Variants in KHNYN observed in about 807,000 individuals in gnomAD.
The protein encoded by KHNYN is protein KHNYN.
Under a neutral mutation model 62.7 loss-of-function variants are expected in KHNYN, and 42 were observed. The observed-to-expected ratio is 0.67, with a 90% CI of 0.52 to 0.87. KHNYN has a LOEUF of 0.87. KHNYN is among the 40% of genes least tolerant of loss of function. The pLI is 0.00. For missense variants in KHNYN, 829 were observed against 874.1 expected (o/e 0.95, Z 0.65); for synonymous variants, 347 against 345.6 (o/e 1.00, Z -0.04).
chr14:24,429,726 T>A, upstream of KHNYN: 1 of 985,258 alleles, frequency 1.0e-6, no homozygotes, highest in Non-Finnish European at 1.2e-6. Flanking sequence ...AACGCATGGT[T>A]CCCCTTTCCG....
chr14:24,425,248 A>T (rs774173843), upstream of KHNYN, among the ~76,000 whole-genome samples: 3 of 152,046 alleles, frequency 2.0e-5, no homozygotes, highest in Admixed American at 1.3e-4. Flanking sequence ...CCCAATAGCT[A>T]ATTTCCCCTT....
chr14:24,434,867 G>A (rs764552691), intron 5 of KHNYN, among the ~76,000 whole-genome samples: 4 of 152,170 alleles, frequency 2.6e-5, no homozygotes, highest in African/African-American at 9.7e-5. Context: ...GAGGAGGTGG[G>A]AACACTGGGA....
At chr14:24,429,149 C>A (rs10143703), upstream of KHNYN, 950,966 of 1,338,212 alleles carry the variant, frequency 0.71, 341,389 homozygotes, top group Middle Eastern at 0.78. Flanking sequence ...GCACCCTGAT[C>A]GTCTGCCCTC....
Position 24,440,299 on chromosome 14 carries a change from G to A in KHNYN, c.*3014G>A, listed in dbSNP as rs768115773. On this transcript the variant is annotated 3_prime_UTR_variant, in exon 8 of 8. Coordinates refer to ENST00000553935, the MANE Select transcript of KHNYN (RefSeq NM_015299.3). Reference sequence around the variant, plus strand: ...TCTGGGCAAACTCAGCATTAGTGGCGGAGGATGGAGCCACTCCATTCAGGA... The same window carrying A: ...TCTGGGCAAACTCAGCATTAGTGGCAGAGGATGGAGCCACTCCATTCAGGA... 1.3e-5 allele frequency: 21 copies of A among 1,613,948 alleles called. 1 individual carries two copies. The highest frequency in any genetic ancestry group is 5.5e-5 in the South Asian group (5 of 91,088).
In KHNYN at chr14:24,434,069, G is replaced by A. The variant is rs373009315; in HGVS notation, c.1577+1037G>A. Reference sequence around the variant, plus strand: ...GGTATTCTACAAAAAAGCAGTTTACGTTCTCCCAATGTTATTCTATTTATA... The same window carrying A: ...GGTATTCTACAAAAAAGCAGTTTACATTCTCCCAATGTTATTCTATTTATA... On this transcript the variant is annotated intron_variant, in intron 5 of 7. Coordinates refer to ENST00000553935, the MANE Select transcript of KHNYN (RefSeq NM_015299.3). The A allele has an allele frequency of 3.6e-5, 32 of 880,768 alleles. No individual in the cohort carries two copies. The South Asian group carries it at 6.8e-4, about 19-fold the overall frequency. The allele number at this position is 880,768 out of a possible 1,614,324, so 54.6% of individuals were successfully genotyped here.
At position 24,436,660 on chromosome 14, in the gene KHNYN, A is replaced by G. The variant is rs561619493; in HGVS notation, c.1787+171A>G. Among the ~76,000 whole-genome samples, 5 of 152,302 alleles carry G rather than the reference A, an allele frequency of 3.3e-5. No homozygotes were observed. The South Asian group carries it at 1.0e-3, about 32-fold the overall frequency. ...AGCTTCCCAGGGGATCCTGACATAG[A>G]ACCTCCTTGCTGGGAGGGAAACACC... On this transcript the variant is annotated intron_variant, in intron 7 of 7. Coordinates refer to ENST00000553935, the MANE Select transcript of KHNYN (RefSeq NM_015299.3).
In KHNYN at chr14:24,440,036, C is replaced by G; in HGVS notation, c.*2751C>G. ...AGCTGAGCCTATTCACAGTGCCTAA[C>G]CTGGAAGCCTGTGAGGAACAGGCCT... On this transcript the variant is annotated 3_prime_UTR_variant, in exon 8 of 8. Coordinates refer to ENST00000553935, the MANE Select transcript of KHNYN (RefSeq NM_015299.3). 1 of 1,507,538 alleles carries G rather than the reference C, an allele frequency of 6.6e-7. No homozygotes were observed. Among genetic ancestry groups the G allele is most frequent in the Non-Finnish European group, 9.0e-7 (1 of 1,116,106 alleles). The allele number at this position is 1,507,538 out of a possible 1,614,324, so 93.4% of individuals were successfully genotyped here.
chr14:24,435,981 G>A, intron 5 of KHNYN, 91 bp from the exon 6 acceptor site: 1 of 948,114 alleles, frequency 1.1e-6, no homozygotes, highest in South Asian at 1.3e-5. Flanking sequence ...TGAAGTCTAG[G>A]CTTTTAATGT....
chr14:24,423,708 C>T, the KHNYN span, among the ~76,000 whole-genome samples: 9 of 152,192 alleles, frequency 5.9e-5, no homozygotes, highest in Non-Finnish European at 1.3e-4. Context: ...GGATTGAGGA[C>T]CAGATGTGGC....
rs2043144810 is a variant in KHNYN at position 24,432,821 on chromosome 14, G to C, written c.1449G>C (p.Gln483His). The C allele has an allele frequency of 6.2e-7, 1 of 1,614,104 alleles. No homozygotes were observed. The highest frequency in any genetic ancestry group is 8.5e-7 in the Non-Finnish European group (1 of 1,180,042). The change falls in exon 4 of 8, where the codon CAG becomes CAC. Residue 483 changes from glutamine to histidine, a missense_variant. Physicochemically the swap from Gln to His is conservative, Grantham distance 24. This residue lies in a region of KHNYN where 270 missense variants were observed against 347.1 expected (regional missense o/e 0.78). Coordinates refer to ENST00000553935, the MANE Select transcript of KHNYN (RefSeq NM_015299.3). This position sits in a 1 kb window ranked among gnomAD's most constrained non-coding sequence, Gnocchi z 5.6. ...GHRDITVFVP[Q>H]WRFSKDAKVR... ...GTGACATAACTGTCTTTGTGCCTCA[G>C]TGGCGCTTCAGTAAGGATGCCAAAG...
chr14:24,431,986 C>T lies in KHNYN; in HGVS notation c.725C>T (p.Pro242Leu), dbSNP rs1252312123. ...TCCCTGGACACTGGATCTATGGGAC[C>T]CGGAGATTGCAGGGGAGCAAGGGGA... ...RESLDTGSMG[P>L]GDCRGARGDT... Residue 242 changes from proline to leucine, a missense_variant, in exon 3 of 8, where the codon CCC becomes CTC. Physicochemically the swap from Pro to Leu is moderately conservative, Grantham distance 98. This residue lies in a region of KHNYN where 559 missense variants were observed against 527.0 expected (regional missense o/e 1.06). Transcript: ENST00000553935. 3 of 1,611,840 alleles carry T rather than the reference C, an allele frequency of 1.9e-6. No individual in the cohort carries two copies. Among genetic ancestry groups the T allele is most frequent in the East Asian group, 4.5e-5 (2 of 44,826 alleles).
rs147663422 is a variant in KHNYN, at chr14:24,436,156, G to A, written c.1662G>A (p.Lys554=). The change falls in exon 6 of 8, where the codon AAG becomes AAA. Residue 554 remains lysine, a synonymous_variant. Coordinates refer to ENST00000553935, the MANE Select transcript of KHNYN (RefSeq NM_015299.3). ...GGGACCTGGCGGAGGAGTCTGAGAA[G>A]TGGATGGCAATCATCAGAGAACGGT... is the stretch of plus-strand genomic sequence containing the variant. ...QFRDLAEESE[K]WMAIIRERLL... is the part of the protein sequence containing the mutation. 1.2e-6 allele frequency: 2 copies of A among 1,613,792 alleles called. No homozygotes were observed. The highest frequency in any genetic ancestry group is 1.3e-5 in the African/African-American group (1 of 74,940).
In KHNYN at chr14:24,431,997, AG is replaced by A; in HGVS notation, c.740del (p.Gly247GlufsTer56). On this transcript the variant is annotated frameshift_variant, in exon 3 of 8. Coordinates refer to ENST00000553935, the MANE Select transcript of KHNYN (RefSeq NM_015299.3). LOFTEE classifies it high-confidence loss of function. ...DTGSMGPGDC[R>X]GARGDTYAVE... ...TGGATCTATGGGACCCGGAGATTGC[AG>A]GGGAGCAAGGGGAGACACTTACGCT... 6.2e-7 allele frequency: 1 copy of A among 1,611,054 alleles called. No homozygotes were observed. Among genetic ancestry groups the A allele is most frequent in the Non-Finnish European group, 8.5e-7 (1 of 1,177,988 alleles).
At position 24,440,499 on chromosome 14, in the gene KHNYN, C is replaced by A; in HGVS notation, c.*3214C>A. The A allele has an allele frequency of 1.3e-6, 2 of 1,597,978 alleles. No individual in the cohort carries two copies. Among genetic ancestry groups the A allele is most frequent in the Admixed American group, 1.7e-5 (1 of 57,206 alleles). On this transcript the variant is annotated 3_prime_UTR_variant, in exon 8 of 8. Transcript: ENST00000553935. ...CCACGGCCCAGCACAACCCCTAGAG[C>A]AGGAAAGAGGGAAGGTACAGGGGTC... is the stretch of plus-strand genomic sequence containing the variant.
upstream of KHNYN, among the ~76,000 whole-genome samples, chr14:24,425,502 G>A (rs1459923439): frequency 6.6e-6 from 1 of 152,240 alleles, no homozygotes; most frequent in African/African-American, 2.4e-5. Flanking sequence ...CTTGGGTCAT[G>A]AGGTGGCAAG....
chr14:24,435,129 T>G (rs2043185941), intron 5 of KHNYN, among the ~76,000 whole-genome samples: 1 of 152,236 alleles, frequency 6.6e-6, no homozygotes, highest in Admixed American at 6.5e-5. Context: ...CAGGCATTTT[T>G]TAAAAAAGTT....
chr14:24,429,605 C>A, upstream of KHNYN: 2 of 936,942 alleles, frequency 2.1e-6, no homozygotes, highest in Non-Finnish European at 2.8e-6. Context: ...CTCCCGCCTA[C>A]CCCCTCCGCC....
chr14:24,432,503 G>C lies in KHNYN; in HGVS notation c.1242G>C (p.Gln414His). ...ARGGNLVTGTQRFKEALQDPF... is the reference protein window; with the variant it reads ...ARGGNLVTGTHRFKEALQDPF... ...GGGGCAACTTGGTGACTGGCACACAGCGTTTCAAGGAGGCCCTGCAGGATC... is the reference window on the plus strand; with the variant it reads ...GGGGCAACTTGGTGACTGGCACACACCGTTTCAAGGAGGCCCTGCAGGATC... Residue 414 changes from glutamine to histidine, a missense_variant, in exon 3 of 8, where the codon CAG becomes CAC. Physicochemically the swap from Gln to His is conservative, Grantham distance 24 (BLOSUM62 0). This residue lies in a region of KHNYN where 270 missense variants were observed against 347.1 expected (regional missense o/e 0.78). Transcript: ENST00000553935. This position sits in a 1 kb window ranked among gnomAD's most constrained non-coding sequence, Gnocchi z 5.6. 1 of 1,613,842 alleles carries C rather than the reference G, an allele frequency of 6.2e-7. No individual in the cohort carries two copies. Among genetic ancestry groups the C allele is most frequent in the Non-Finnish European group, 8.5e-7 (1 of 1,179,972 alleles).
chr14:24,430,552 T>C, intron 1 of KHNYN, 162 bp from the exon 2 acceptor site: 1 of 1,421,080 alleles, frequency 7.0e-7, no homozygotes, highest in Non-Finnish European at 9.2e-7. Context: ...CTGCGTGACA[T>C]ACACCCTCCC....
Sources: allele counts gnomAD v4.1 joint callset (sites outside exome capture counted in the v4.1 genomes callset), GRCh38; gene constraint gnomAD v4.1.1; regional missense constraint gnomAD v4.1.1; non-coding constraint Gnocchi (gnomAD v3.1); transcripts MANE v1.5; gene names NCBI Gene and HGNC (gene_info 2026-07-23, HGNC 2026-07-21).